Variants in OCIAD1 observed in about 807,000 individuals in gnomAD.
OCIAD1 encodes OCIA domain-containing protein 1.
In OCIAD1, 29 loss-of-function variants were observed where a neutral mutation model predicts 38.9. The observed-to-expected ratio is 0.74, with a 90% CI of 0.55 to 1.02. The LOEUF (loss-of-function observed/expected upper bound fraction) is 1.02. Ranked by LOEUF, OCIAD1 falls within the 50% of genes least tolerant of loss-of-function variation. The pLI is 0.00. For synonymous variants in OCIAD1, 110 were observed against 92.0 expected (o/e 1.20, Z -1.12); for missense variants, 288 against 289.6 (o/e 0.99, Z 0.04).
In OCIAD1 at chr4:48,851,954, A is replaced by G. The variant is rs760357600; in HGVS notation, c.526A>G (p.Ile176Val). Residue 176 changes from isoleucine (I) to valine (V), a missense_variant, in exon 7 of 9, where the codon ATT (isoleucine) becomes GTT (valine). Transcript: ENST00000264312. ...TATGAATGAATCTGCTCCCACTGGT[A>G]TTACTGATCATATTGTCCAAGGTAG... ...SSMNESAPTG[I>V]TDHIVQGPDP... The G allele has an allele frequency of 1.9e-6, 3 of 1,607,708 alleles. No individual in the cohort carries two copies. The highest frequency in any genetic ancestry group is 1.7e-5 in the Admixed American group (1 of 59,448).
chr4:48,837,561 G>A (rs532837503), intron 3 of OCIAD1, among the ~76,000 whole-genome samples: 270 of 151,852 alleles, frequency 1.8e-3, no homozygotes, highest in Middle Eastern at 6.8e-3. Context: ...AAAGTTCTGG[G>A]ATTACAAGCA....
At chr4:48,821,033 C>T (rs1579035997) in intron 1 of OCIAD1, among the ~76,000 whole-genome samples, 1 of 152,280 alleles carries the variant, frequency 6.6e-6, no homozygotes, top group African/African-American at 2.4e-5. Context: ...AGAAGGACTC[C>T]TCCTTAACTC....
chr4:48,849,451 G>A (rs780261790), intron 5 of OCIAD1, among the ~76,000 whole-genome samples: 2 of 152,130 alleles, frequency 1.3e-5, no homozygotes, highest in African/African-American at 2.4e-5. Flanking sequence ...GTTATGGTTC[G>A]TAATTTATTA....
At chr4:48,859,115 T>G (rs1579125925) in intron 8 of OCIAD1, among the ~76,000 whole-genome samples, 1 of 152,228 alleles carries the variant, frequency 6.6e-6, no homozygotes, top group Non-Finnish European at 1.5e-5. Flanking sequence ...TTTGTTGTTA[T>G]GGTCATTTTT....
chr4:48,844,369 A>T (rs1778796512), intron 4 of OCIAD1, among the ~76,000 whole-genome samples: 1 of 152,052 alleles, frequency 6.6e-6, no homozygotes, highest in African/African-American at 2.4e-5. Context: ...GGTAGAAGTG[A>T]TATTGGGAGG....
intron 7 of OCIAD1, among the ~76,000 whole-genome samples, chr4:48,854,730 T>C: frequency 6.6e-6 from 1 of 152,244 alleles, no homozygotes; most frequent in East Asian, 1.9e-4. Flanking sequence ...GGCTACTTTT[T>C]TACTGCTCTC....
intron 5 of OCIAD1, among the ~76,000 whole-genome samples, chr4:48,849,079 G>C (rs1779202588): frequency 1.3e-5 from 2 of 152,076 alleles, no homozygotes; most frequent in South Asian, 4.1e-4. Context: ...CTCACTCATA[G>C]GTGGGAATCG....
upstream of OCIAD1, chr4:48,830,909 T>G (rs1267319083): frequency 6.4e-6 from 1 of 156,212 alleles, no homozygotes; most frequent in Non-Finnish European, 1.4e-5. Flanking sequence ...GCAGGGTTCT[T>G]GGTCCGCCGC....
At chr4:48,823,144 T>C (rs1777210289) in intron 1 of OCIAD1, among the ~76,000 whole-genome samples, 1 of 152,092 alleles carries the variant, frequency 6.6e-6, no homozygotes, top group Non-Finnish European at 1.5e-5. Flanking sequence ...GCAACCCAAA[T>C]GCCCATCAAT....
At chr4:48,835,304 A>G (rs776557224) in intron 3 of OCIAD1, among the ~76,000 whole-genome samples, 1 of 152,198 alleles carries the variant, frequency 6.6e-6, no homozygotes, top group Non-Finnish European at 1.5e-5. Context: ...GTGTAACTGC[A>G]GAAGACTTTT....
intron 4 of OCIAD1, 115 bp from the exon 5 acceptor site, chr4:48,848,284 G>T: frequency 1.8e-6 from 1 of 552,278 alleles, no homozygotes; most frequent in Non-Finnish European, 3.2e-6. Context: ...AACAGTCTAG[G>T]GTTCTGTAGG....
intron 1 of OCIAD1, among the ~76,000 whole-genome samples, chr4:48,818,633 A>G (rs188160570): frequency 2.6e-5 from 4 of 152,266 alleles, no homozygotes; most frequent in Admixed American, 2.0e-4. Flanking sequence ...CCTCTGAGCT[A>G]AAGGAGCATG....
chr4:48,827,147 A>G (rs1327004567), upstream of OCIAD1, among the ~76,000 whole-genome samples: 1 of 152,222 alleles, frequency 6.6e-6, no homozygotes, highest in African/African-American at 2.4e-5. Context: ...TTGAATAATG[A>G]TTGCTTGAAT....
At chr4:48,806,221 C>T (rs1777022035) in intron 1 of OCIAD1, among the ~76,000 whole-genome samples, 1 of 151,678 alleles carries the variant, frequency 6.6e-6, no homozygotes, top group Non-Finnish European at 1.5e-5. Flanking sequence ...GAGCCGAGAT[C>T]ACGCCCCTGT....
intron 3 of OCIAD1, among the ~76,000 whole-genome samples, chr4:48,836,568 A>G (rs1399371261): frequency 6.6e-6 from 1 of 152,240 alleles, no homozygotes; most frequent in African/African-American, 2.4e-5. Flanking sequence ...AAGTGTAGAG[A>G]TAAAAGCATA....
intron 1 of OCIAD1, among the ~76,000 whole-genome samples, chr4:48,822,513 G>A (rs899770132): frequency 4.6e-5 from 7 of 152,118 alleles, no homozygotes; most frequent in Admixed American, 4.6e-4. Context: ...AAACACAAAA[G>A]TAATCACAAC....
intron 1 of OCIAD1, among the ~76,000 whole-genome samples, chr4:48,806,052 A>C (rs2109483579): frequency 6.6e-6 from 1 of 152,274 alleles, no homozygotes; most frequent in East Asian, 1.9e-4. Context: ...AGGTCACCTG[A>C]GGTCAGGAGT....
intron 1 of OCIAD1, among the ~76,000 whole-genome samples, chr4:48,814,596 T>G (rs1039834095): frequency 1.1e-4 from 17 of 152,176 alleles, no homozygotes; most frequent in African/African-American, 4.1e-4. Context: ...AAACTTTTTG[T>G]TTTAAATTTT....
At chr4:48,852,096 A>T in intron 7 of OCIAD1, 121 bp downstream of exon 7, 1 of 706,554 alleles carries the variant, frequency 1.4e-6, no homozygotes, top group Non-Finnish European at 2.3e-6. Flanking sequence ...ATCAACCTAA[A>T]CTCAGCATGT....
Sources: gnomAD v4.1 joint callset for allele counts (sites outside exome capture counted in the v4.1 genomes callset) on GRCh38, gnomAD v4.1.1 for gene constraint, MANE v1.5 for transcripts, NCBI Gene and HGNC (gene_info 2026-07-23, HGNC 2026-07-21) for gene names.